PTPRT: variants seen among roughly 807,000 people sequenced by gnomAD.
PTPRT encodes protein tyrosine phosphatase receptor type T.
A neutral mutation model predicts 176.8 loss-of-function variants in PTPRT; 56 were observed. The observed-to-expected ratio is 0.32, with a 90% CI of 0.26 to 0.40. The LOEUF is 0.40. PTPRT is among the 10% of genes least tolerant of loss of function. The probability of loss-of-function intolerance (pLI) is 1.00; values close to 1 mark genes in which losing one functional copy is unlikely to be tolerated. For synonymous variants in PTPRT, 783 were observed against 739.0 expected (o/e 1.06, Z -0.96); for missense variants, 1,540 against 1,908.2 (o/e 0.81, Z 3.60).
rs558386187 is a variant in PTPRT at position 42,250,935 on chromosome 20, G to A, written c.2177-2113C>T. 1.4e-4 allele frequency among the ~76,000 whole-genome samples: 22 copies of A among 152,262 alleles called. No individual in the cohort carries two copies. In the South Asian group the frequency reaches 1.9e-3, roughly 13 times the overall value. ...AGACTCTTCTCATCTACAGCCCAGA[G>A]AATTCCTGAAAGAGTTGGCCACCAT... is the stretch of plus-strand genomic sequence containing the variant. On this transcript the variant is annotated intron_variant, in intron 13 of 30. Coordinates refer to ENST00000373187, the MANE Select transcript of PTPRT (RefSeq NM_007050.6).
At chr20:43,057,841 A>C (rs1177106339) in intron 1 of PTPRT, among the ~76,000 whole-genome samples, 1 of 152,236 alleles carries the variant, frequency 6.6e-6, no homozygotes, top group Non-Finnish European at 1.5e-5. Flanking sequence ...GCCATTAGTC[A>C]CATGATTATT....
intron 17 of PTPRT, among the ~76,000 whole-genome samples, chr20:42,144,645 C>CAG (rs765853790): frequency 3.9e-5 from 6 of 152,188 alleles, no homozygotes; most frequent in Non-Finnish European, 8.8e-5. Context: ...AGAAAAGCTG[C>CAG]AGAAGCATGA....
chr20:42,576,123 C>A (rs2073255777), intron 7 of PTPRT, among the ~76,000 whole-genome samples: 1 of 152,164 alleles, frequency 6.6e-6, no homozygotes, highest in African/African-American at 2.4e-5. Context: ...GGGTAAGTGC[C>A]TGTTGGAGCA....
At chr20:42,447,721 G>A (rs989257598) in intron 9 of PTPRT, among the ~76,000 whole-genome samples, 1 of 152,130 alleles carries the variant, frequency 6.6e-6, no homozygotes, top group African/African-American at 2.4e-5. Flanking sequence ...TTGGAATGGG[G>A]GCTTTGGATG....
chr20:42,448,032 C>A (rs953113359), intron 9 of PTPRT, among the ~76,000 whole-genome samples, 188 bp downstream of exon 9: 2 of 152,160 alleles, frequency 1.3e-5, no homozygotes, highest in African/African-American at 4.8e-5. Flanking sequence ...TTTCTTTGTT[C>A]TTGGGGCTAC....
intron 2 of PTPRT, among the ~76,000 whole-genome samples, chr20:42,857,142 C>G (rs1448283459): frequency 6.6e-6 from 1 of 152,222 alleles, no homozygotes; most frequent in Admixed American, 6.5e-5. Context: ...TCTCTTAGCT[C>G]TAGCACTCAC....
chr20:42,088,329 G>A (rs1479659640), intron 27 of PTPRT, among the ~76,000 whole-genome samples: 1 of 152,232 alleles, frequency 6.6e-6, no homozygotes, highest in Non-Finnish European at 1.5e-5. Context: ...TAGATGGACA[G>A]AAGTGACCCA....
In PTPRT at chr20:43,038,040, C is replaced by A. The variant is rs1045496927; in HGVS notation, c.88+151606G>T. Reference sequence around the variant, plus strand: ...GACCTAAACTGCTTCTGTGGCTACACCTGACCTGAGCCTATTTATAGCATT... The same window carrying A: ...GACCTAAACTGCTTCTGTGGCTACAACTGACCTGAGCCTATTTATAGCATT... On this transcript the variant is annotated intron_variant, in intron 1 of 30. Transcript: ENST00000373187. 1.5e-3 allele frequency among the ~76,000 whole-genome samples: 228 copies of A among 152,022 alleles called. 1 individual carries two copies. The highest frequency in any genetic ancestry group is 5.2e-3 in the African/African-American group (216 of 41,312).
At chr20:42,683,334 G>A (rs2075636932) in intron 6 of PTPRT, among the ~76,000 whole-genome samples, 1 of 147,056 alleles carries the variant, frequency 6.8e-6, no homozygotes, top group Admixed American at 7.0e-5. Context: ...CTGGAGTGCA[G>A]TGGTGCAATC....
the PTPRT span, among the ~76,000 whole-genome samples, chr20:42,038,960 A>G: frequency 2.6e-5 from 4 of 152,124 alleles, no homozygotes; most frequent in African/African-American, 7.2e-5. Context: ...TTCCAGCCCA[A>G]ACTTCTCCCC....
chr20:42,062,236 G>A, the PTPRT span, among the ~76,000 whole-genome samples: 1 of 152,168 alleles, frequency 6.6e-6, no homozygotes, highest in Non-Finnish European at 1.5e-5. Flanking sequence ...AAAGAGGGGT[G>A]TACTGTGACT....
intron 7 of PTPRT, among the ~76,000 whole-genome samples, chr20:42,492,261 G>T (rs1186295675): frequency 1.3e-5 from 2 of 152,102 alleles, no homozygotes; most frequent in African/African-American, 4.8e-5. Context: ...AAATAAACAG[G>T]CAAAGTACCT....
the PTPRT span, among the ~76,000 whole-genome samples, chr20:42,035,078 A>G: frequency 6.6e-6 from 1 of 152,140 alleles, no homozygotes; most frequent in African/African-American, 2.4e-5. Flanking sequence ...TTAAGCACCC[A>G]GTTCAAAAAC....
intron 7 of PTPRT, among the ~76,000 whole-genome samples, chr20:42,593,135 G>A (rs1003252411): frequency 3.3e-5 from 5 of 152,164 alleles, no homozygotes; most frequent in African/African-American, 9.7e-5. Context: ...GCCTTTGCAT[G>A]ACTTTGGTCT....
intron 2 of PTPRT, among the ~76,000 whole-genome samples, chr20:42,815,082 T>G (rs2077760493): frequency 6.6e-6 from 1 of 152,188 alleles, no homozygotes; most frequent in Non-Finnish European, 1.5e-5. Context: ...GTATACTTTC[T>G]CCATCTCACA....
intron 9 of PTPRT, among the ~76,000 whole-genome samples, chr20:42,411,749 C>T (rs2059020817): frequency 6.6e-6 from 1 of 151,806 alleles, no homozygotes. Flanking sequence ...ATTTGAAAGA[C>T]ACAAACTACC....
At chr20:42,945,115 T>A (rs556449974) in intron 1 of PTPRT, among the ~76,000 whole-genome samples, 1 of 148,798 alleles carries the variant, frequency 6.7e-6, no homozygotes, top group African/African-American at 2.4e-5. Context: ...GTGATATTTA[T>A]ATATATACTT....
intron 16 of PTPRT, among the ~76,000 whole-genome samples, chr20:42,164,033 C>T (rs994210345): frequency 6.6e-6 from 1 of 152,198 alleles, no homozygotes; most frequent in Non-Finnish European, 1.5e-5. Context: ...TGGCAAGAGC[C>T]ACAGAGGTAT....
intron 2 of PTPRT, among the ~76,000 whole-genome samples, chr20:42,850,962 G>A (rs1469246667): frequency 6.6e-6 from 1 of 152,126 alleles, no homozygotes; most frequent in East Asian, 1.9e-4. Flanking sequence ...TCCATCTTTG[G>A]TCCTCATTAG....
Sources: allele counts gnomAD v4.1 joint callset (sites outside exome capture counted in the v4.1 genomes callset), GRCh38; gene constraint gnomAD v4.1.1; transcripts MANE v1.5; gene names NCBI Gene and HGNC (gene_info 2026-07-23, HGNC 2026-07-21).